The following PHF2 variants were observed in gnomAD, a reference collection of about 807,000 sequenced individuals.
PHF2 encodes lysine-specific demethylase PHF2.
Under a neutral mutation model 120.5 loss-of-function variants are expected in PHF2, and 27 were observed. The observed-to-expected ratio is 0.22, with a 90% CI of 0.17 to 0.31. The LOEUF (loss-of-function observed/expected upper bound fraction) is 0.31. PHF2 is among the 10% of genes least tolerant of loss of function. The pLI, the probability that PHF2 is intolerant of heterozygous loss-of-function variation, is 1.00. For missense variants in PHF2, 1,024 were observed against 1,434.8 expected, an observed-to-expected ratio of 0.71 and a Z score of 4.63; for synonymous variants, 568 against 592.5, an observed-to-expected ratio of 0.96 and a Z score of 0.60.
chr9:93,653,742 C>A (rs1218690924), intron 6 of PHF2, among the ~76,000 whole-genome samples: 1 of 152,158 alleles, frequency 6.6e-6, no homozygotes, highest in African/African-American at 2.4e-5. Context: ...TCTGAGTGGG[C>A]AGGGAAGGCT....
At chr9:93,661,723 A>ATGGATGGATGAG (rs897791868) in intron 12 of PHF2, among the ~76,000 whole-genome samples, 3 of 151,792 alleles carry the variant, frequency 2.0e-5, no homozygotes, top group African/African-American at 7.3e-5. Context: ...TAATGAAGGG[A>ATGGATGGATGAG]TGGATGGATG....
Position 93,676,784 on chromosome 9 carries a change from G to C in PHF2, c.3023G>C (p.Ser1008Thr). 6.4e-7 allele frequency: 1 copy of C among 1,551,724 alleles called. No individual in the cohort carries two copies. Among genetic ancestry groups the C allele is most frequent in the African/African-American group, 1.4e-5 (1 of 73,062 alleles). ...TASSQASQEG[S>T]SPEPPPESHS... ...AGCAGCCAGGCCTCGCAGGAGGGCA[G>C]CTCGCCAGAGCCCCCGCCTGAGTCG... Residue 1008 changes from serine to threonine, a missense_variant, in exon 21 of 22, where the codon AGC (serine) becomes ACC (threonine). By Grantham distance (58) the Ser-to-Thr change is moderately conservative (BLOSUM62 1). Coordinates refer to ENST00000359246, the MANE Select transcript of PHF2 (RefSeq NM_005392.4).
In PHF2 at chr9:93,652,944, T is replaced by G. The variant is rs58124920; in HGVS notation, c.603-235T>G. ...ATGGTTTTGGGGCCTTCTCATTATCTTCTGGGGGTGGAGGCCAGCGTCAGA... is the reference window on the plus strand; with the variant it reads ...ATGGTTTTGGGGCCTTCTCATTATCGTCTGGGGGTGGAGGCCAGCGTCAGA... On this transcript the variant is annotated intron_variant, in intron 5 of 21. Transcript: ENST00000359246. 3.7e-3 allele frequency among the ~76,000 whole-genome samples: 559 copies of G among 152,296 alleles called. 3 individuals carry two copies. Among genetic ancestry groups the G allele is most frequent in the African/African-American group, 0.013 (527 of 41,564 alleles).
intron 17 of PHF2, chr9:93,670,907 G>A (rs565210251): frequency 3.0e-4 from 244 of 804,790 alleles, no homozygotes; most frequent in Non-Finnish European, 3.5e-4. Flanking sequence ...GGTGCAGACA[G>A]GGCAAAGAGA....
At chr9:93,593,771 A>G (rs907109607) in intron 1 of PHF2, among the ~76,000 whole-genome samples, 37 of 152,324 alleles carry the variant, frequency 2.4e-4, no homozygotes, top group Admixed American at 7.8e-4. Context: ...GGATATCTTT[A>G]TGATGATATT....
chr9:93,594,089 A>G (rs1035544388), intron 1 of PHF2, among the ~76,000 whole-genome samples: 8 of 152,106 alleles, frequency 5.3e-5, no homozygotes, highest in Admixed American at 3.9e-4. Flanking sequence ...CTGCACAGCA[A>G]TTGGCCCCAG....
intron 17 of PHF2, chr9:93,671,171 G>C: frequency 3.1e-6 from 3 of 982,526 alleles, no homozygotes; most frequent in Non-Finnish European, 3.6e-6. Context: ...TGTGGGAGTA[G>C]GTACAGGTGT....
chr9:93,613,001 C>T (rs1225901293), intron 1 of PHF2, among the ~76,000 whole-genome samples: 10 of 152,226 alleles, frequency 6.6e-5, no homozygotes, highest in African/African-American at 1.9e-4. Flanking sequence ...CCTCTGTAAG[C>T]GAGCACAGCT....
At chr9:93,650,878 G>A (rs1587706619) in intron 5 of PHF2, among the ~76,000 whole-genome samples, 1 of 152,120 alleles carries the variant, frequency 6.6e-6, no homozygotes, top group Non-Finnish European at 1.5e-5. Flanking sequence ...CACATAACAC[G>A]TGCAAAGGGG....
chr9:93,658,318 C>T lies in PHF2; in HGVS notation c.1239+82C>T. The T allele has an allele frequency of 2.9e-6, 3 of 1,040,208 alleles. No homozygotes were observed. The South Asian group carries it at 4.1e-5, about 14-fold the overall frequency. The allele number at this position is 1,040,208 out of a possible 1,614,324, so 64.4% of individuals were successfully genotyped here. ...CTCCCTGGAGACCCAGCAGCAATGTCCAGGACTTGTCCTGCTTCAGTGAGA... is the reference window on the plus strand; with the variant it reads ...CTCCCTGGAGACCCAGCAGCAATGTTCAGGACTTGTCCTGCTTCAGTGAGA... On this transcript the variant is annotated intron_variant, in intron 10 of 21. Transcript: ENST00000359246.
At chr9:93,595,402 A>G (rs933395225) in intron 1 of PHF2, among the ~76,000 whole-genome samples, 1 of 152,256 alleles carries the variant, frequency 6.6e-6, no homozygotes, top group African/African-American at 2.4e-5. Flanking sequence ...CTGACGCTAC[A>G]ATATGAGGAG....
intron 3 of PHF2, among the ~76,000 whole-genome samples, chr9:93,644,672 G>C (rs1000862989): frequency 6.6e-6 from 1 of 152,168 alleles, no homozygotes; most frequent in Admixed American, 6.5e-5. Flanking sequence ...TCACCAAACA[G>C]AGGCTGTTCT....
intron 1 of PHF2, among the ~76,000 whole-genome samples, chr9:93,598,067 G>C (rs1825367006): frequency 6.6e-6 from 1 of 152,162 alleles, no homozygotes; most frequent in Non-Finnish European, 1.5e-5. Context: ...TTTTGTTCTG[G>C]CTGAATGGTC....
intron 10 of PHF2, among the ~76,000 whole-genome samples, chr9:93,658,677 C>T (rs1826504903): frequency 6.6e-6 from 1 of 152,018 alleles, no homozygotes; most frequent in Admixed American, 6.6e-5. Context: ...GTGGCTGGCC[C>T]CAGGACAGGG....
chr9:93,667,267 A>G, intron 17 of PHF2, 27 bp downstream of exon 17: 1 of 1,597,720 alleles, frequency 6.3e-7, no homozygotes, highest in African/African-American at 1.3e-5. Context: ...GGCAGCACCC[A>G]AGAGCGGGGA....
chr9:93,596,784 A>C (rs549207119), intron 1 of PHF2, among the ~76,000 whole-genome samples: 1 of 151,284 alleles, frequency 6.6e-6, no homozygotes, highest in Non-Finnish European at 1.5e-5. Flanking sequence ...GTTTTGAGAC[A>C]GTCTCACTCT....
At position 93,589,168 on chromosome 9, in the gene PHF2, A is replaced by G. The variant is rs371232599; in HGVS notation, c.98+12297A>G. On this transcript the variant is annotated intron_variant, in intron 1 of 21. Transcript: ENST00000359246. ...TTCCTTCTACAAAGCAGCTGTCCCAATAACAGTCCTGGGAAGGAACCAAGT... is the reference window on the plus strand; with the variant it reads ...TTCCTTCTACAAAGCAGCTGTCCCAGTAACAGTCCTGGGAAGGAACCAAGT... Among the ~76,000 whole-genome samples, 47 of 152,328 alleles carry G rather than the reference A, an allele frequency of 3.1e-4. 1 individual carries two copies. The East Asian group carries it at 3.3e-3, about 11-fold the overall frequency.
At chr9:93,663,107 G>T in intron 13 of PHF2, 81 bp downstream of exon 13, 5 of 1,569,714 alleles carry the variant, frequency 3.2e-6, no homozygotes, top group Non-Finnish European at 4.4e-6. Flanking sequence ...GAGGCCCTGT[G>T]TGTGTGAAGG....
intron 12 of PHF2, among the ~76,000 whole-genome samples, chr9:93,662,345 G>T (rs1227442278): frequency 6.6e-6 from 1 of 151,618 alleles, no homozygotes; most frequent in Non-Finnish European, 1.5e-5. Context: ...ATGAACAAAT[G>T]GATGGATGGA....
Sources: allele counts gnomAD v4.1 joint callset (sites outside exome capture counted in the v4.1 genomes callset), GRCh38; gene constraint gnomAD v4.1.1; transcripts MANE v1.5; gene names NCBI Gene and HGNC (gene_info 2026-07-23, HGNC 2026-07-21).